The following B3GALT1 variants were observed in gnomAD, a reference collection of about 807,000 sequenced individuals.
The protein encoded by B3GALT1 is beta-1,3-galactosyltransferase 1.
B3GALT1 carries 10 observed loss-of-function variants against 23.2 expected under a neutral mutation model. The ratio of observed to expected loss-of-function variants is 0.43; its 90% confidence interval spans 0.27 to 0.73. B3GALT1 has a LOEUF of 0.73. Ranked by LOEUF, B3GALT1 falls within the 30% of genes least tolerant of loss-of-function variation. The pLI, the probability that B3GALT1 is intolerant of heterozygous loss-of-function variation, is 0.21. For synonymous variants in B3GALT1, 156 were observed against 141.5 expected, an observed-to-expected ratio of 1.10 and a Z score of -0.73; for missense variants, 299 against 405.4, an observed-to-expected ratio of 0.74 and a Z score of 2.25.
intron 3 of B3GALT1, among the ~76,000 whole-genome samples, chr2:167,722,487 C>T (rs886092782): frequency 8.5e-5 from 13 of 152,172 alleles, no homozygotes; most frequent in Admixed American, 5.9e-4. Flanking sequence ...CAGAAATCTT[C>T]GTTCCTTTTG....
chr2:167,667,495 C>T (rs1686224313), intron 3 of B3GALT1, among the ~76,000 whole-genome samples: 1 of 152,076 alleles, frequency 6.6e-6, no homozygotes, highest in East Asian at 1.9e-4. Context: ...TGAATGTTGG[C>T]CTGCCTTGCT....
chr2:167,757,537 AG>A (rs925906699), intron 3 of B3GALT1, among the ~76,000 whole-genome samples: 1 of 152,114 alleles, frequency 6.6e-6, no homozygotes, highest in Non-Finnish European at 1.5e-5. Context: ...TTTTTTTTAA[AG>A]GGGGGAAAAA....
chr2:167,469,645 T>C (rs527902120), intron 1 of B3GALT1, among the ~76,000 whole-genome samples: 7 of 152,318 alleles, frequency 4.6e-5, no homozygotes, highest in South Asian at 2.1e-4. Context: ...CAAATACTTA[T>C]GATTGTAAAG....
chr2:167,697,491 A>G (rs1686806194), intron 3 of B3GALT1, among the ~76,000 whole-genome samples: 1 of 152,208 alleles, frequency 6.6e-6, no homozygotes, highest in Non-Finnish European at 1.5e-5. Flanking sequence ...AGTCTCCTAC[A>G]CTGATGGATT....
At chr2:167,505,060 G>T (rs1050670513) in intron 2 of B3GALT1, among the ~76,000 whole-genome samples, 1 of 152,130 alleles carries the variant, frequency 6.6e-6, no homozygotes, top group Non-Finnish European at 1.5e-5. Flanking sequence ...CAGAGCAAGG[G>T]CAGATCAGCA....
intron 2 of B3GALT1, among the ~76,000 whole-genome samples, chr2:167,574,256 A>C (rs962855166): frequency 2.0e-5 from 3 of 151,740 alleles, no homozygotes; most frequent in African/African-American, 7.2e-5. Flanking sequence ...TCAGCAGTCC[A>C]ATCTTAAATT....
At chr2:167,445,289 G>A (rs886796387) in intron 1 of B3GALT1, among the ~76,000 whole-genome samples, 5 of 152,168 alleles carry the variant, frequency 3.3e-5, no homozygotes, top group African/African-American at 7.2e-5. Context: ...TTCCACCTAC[G>A]TGGTCAATTT....
intron 1 of B3GALT1, among the ~76,000 whole-genome samples, chr2:167,483,721 G>T (rs1166794395): frequency 3.3e-5 from 5 of 152,094 alleles, no homozygotes; most frequent in Admixed American, 3.3e-4. Flanking sequence ...ATAATTTATA[G>T]CCTTGTAAAA....
At chr2:167,441,104 C>A (rs1036100470) in intron 1 of B3GALT1, among the ~76,000 whole-genome samples, 5 of 152,126 alleles carry the variant, frequency 3.3e-5, no homozygotes, top group Non-Finnish European at 5.9e-5. Context: ...GATTCCCTGG[C>A]TGTCAGGATT....
intron 1 of B3GALT1, among the ~76,000 whole-genome samples, chr2:167,306,531 A>G (rs1344103925): frequency 6.6e-6 from 1 of 152,010 alleles, no homozygotes; most frequent in Admixed American, 6.6e-5. Context: ...AATATTTTGC[A>G]CTGAATATTA....
chr2:167,645,910 G>A (rs113447383), intron 2 of B3GALT1, among the ~76,000 whole-genome samples: 2,290 of 152,010 alleles, frequency 0.015, 25 homozygotes, highest in Middle Eastern at 0.02. Flanking sequence ...GGGTGATTGC[G>A]GTGTTTGTAA....
At chr2:167,741,961 G>A (rs769785135) in intron 3 of B3GALT1, among the ~76,000 whole-genome samples, 1 of 152,160 alleles carries the variant, frequency 6.6e-6, no homozygotes, top group Non-Finnish European at 1.5e-5. Flanking sequence ...CTGTAAAGTG[G>A]GAGTTGATAT....
intron 3 of B3GALT1, among the ~76,000 whole-genome samples, chr2:167,780,763 T>C (rs1202967007): frequency 2.0e-5 from 3 of 152,336 alleles, no homozygotes; most frequent in Middle Eastern, 3.4e-3. Context: ...TTAATGAAAC[T>C]TGATTTCTGC....
At chr2:167,314,412 T>C (rs2105488452) in intron 1 of B3GALT1, among the ~76,000 whole-genome samples, 1 of 152,298 alleles carries the variant, frequency 6.6e-6, no homozygotes, top group Middle Eastern at 3.4e-3. Flanking sequence ...TCCAGTGTTT[T>C]CTTTAACAAG....
chr2:167,699,684 A>G lies in B3GALT1; in HGVS notation c.-352+52718A>G, dbSNP rs1379511267. On this transcript the variant is annotated intron_variant, in intron 3 of 4. Transcript: ENST00000392690. Reference sequence around the variant, plus strand: ...AACATAGAGTCCACTTACCTTACATAGGCAAGAATATGAACCAATATATTT... The same window carrying G: ...AACATAGAGTCCACTTACCTTACATGGGCAAGAATATGAACCAATATATTT... Among the ~76,000 whole-genome samples, 6 of 152,150 alleles carry G rather than the reference A, an allele frequency of 3.9e-5. No individual in the cohort carries two copies. In the East Asian group the frequency reaches 1.2e-3, roughly 29 times the overall value.
At chr2:167,491,566 G>A (rs527264799) in intron 2 of B3GALT1, among the ~76,000 whole-genome samples, 65 of 146,058 alleles carry the variant, frequency 4.5e-4, no homozygotes, top group African/African-American at 1.5e-3. Context: ...TGTAATCCCA[G>A]CACTTTGGGA....
rs146768432 is a variant in B3GALT1, at chr2:167,448,633, T to A, written c.-510-41544T>A. ...TTTAGTTTAATTAAGTCCCACCTATTTATCTTTTTGTTTTTGTTGTATTTG... is the reference window on the plus strand; with the variant it reads ...TTTAGTTTAATTAAGTCCCACCTATATATCTTTTTGTTTTTGTTGTATTTG... On this transcript the variant is annotated intron_variant, in intron 1 of 4. Transcript: ENST00000392690. Among the ~76,000 whole-genome samples the A allele has an allele frequency of 7.5e-3, 1,137 of 152,274 alleles. 55 individuals are homozygous for A. Among genetic ancestry groups the A allele is most frequent in the Admixed American group, 0.067 (1,023 of 15,294 alleles).
intron 1 of B3GALT1, among the ~76,000 whole-genome samples, chr2:167,380,007 G>A (rs945644665): frequency 3.3e-5 from 5 of 152,188 alleles, no homozygotes; most frequent in Non-Finnish European, 7.3e-5. Flanking sequence ...CAGGTGAGCT[G>A]GTTCTCTGAA....
At chr2:167,625,377 A>T (rs1027088170) in intron 2 of B3GALT1, among the ~76,000 whole-genome samples, 2 of 151,898 alleles carry the variant, frequency 1.3e-5, no homozygotes, top group African/African-American at 4.8e-5. Context: ...TCATTCATTT[A>T]TTTGGAGTAC....
Sources: allele counts gnomAD v4.1 joint callset (sites outside exome capture counted in the v4.1 genomes callset), GRCh38; gene constraint gnomAD v4.1.1; transcripts MANE v1.5; gene names NCBI Gene and HGNC (gene_info 2026-07-23, HGNC 2026-07-21).